The following ABCG1 variants were observed in gnomAD, a reference collection of about 807,000 sequenced individuals.
ABCG1 encodes the protein ATP-binding cassette sub-family G member 1.
Under a neutral mutation model 69.2 loss-of-function variants are expected in ABCG1, and 29 were observed. That is an observed-to-expected ratio of 0.42 (90% confidence interval 0.31 to 0.57). The LOEUF is 0.57. Ranked by LOEUF, ABCG1 falls within the 20% of genes least tolerant of loss-of-function variation. The pLI is 0.15. For missense variants in ABCG1, 718 were observed against 898.1 expected, an observed-to-expected ratio of 0.80 and a Z score of 2.56; for synonymous variants, 370 against 374.8, an observed-to-expected ratio of 0.99 and a Z score of 0.15.
At chr21:42,213,187 G>A (rs1002046904), upstream of ABCG1, among the ~76,000 whole-genome samples, 3 of 152,252 alleles carry the variant, frequency 2.0e-5, no homozygotes, top group Non-Finnish European at 4.4e-5. Context: ...CCCTGAAGGT[G>A]TTTCAGAGGT....
chr21:42,259,851 A>C, intron 2 of ABCG1: 2 of 1,399,238 alleles, frequency 1.4e-6, no homozygotes, highest in Non-Finnish European at 1.9e-6. Flanking sequence ...GGAAAAGAGC[A>C]GGGGAGAGAG....
At chr21:42,268,293 A>G (rs2068550579) in intron 2 of ABCG1, among the ~76,000 whole-genome samples, 3 of 151,926 alleles carry the variant, frequency 2.0e-5, no homozygotes, top group Admixed American at 2.0e-4. Context: ...TTCGCTTTAT[A>G]TTTCTGTAAT....
chr21:42,252,195 A>G (rs2068233167), intron 2 of ABCG1, among the ~76,000 whole-genome samples: 1 of 152,126 alleles, frequency 6.6e-6, no homozygotes, highest in Non-Finnish European at 1.5e-5. Context: ...CAGCAATGTA[A>G]ATGTTCAGGG....
At chr21:42,225,252 T>A (rs2067796700) in intron 1 of ABCG1, among the ~76,000 whole-genome samples, 1 of 152,178 alleles carries the variant, frequency 6.6e-6, no homozygotes, top group Non-Finnish European at 1.5e-5. Flanking sequence ...ACAAAACAGC[T>A]CAGTGTAAAT....
intron 2 of ABCG1, among the ~76,000 whole-genome samples, chr21:42,207,840 C>G (rs1163126509): frequency 6.6e-6 from 1 of 152,226 alleles, no homozygotes; most frequent in East Asian, 1.9e-4. Flanking sequence ...CATGACATCA[C>G]AGGGTGATGA....
In ABCG1 at chr21:42,273,888, C is replaced by G. The variant is rs1250212476; in HGVS notation, c.537+453C>G. 6.6e-6 allele frequency among the ~76,000 whole-genome samples: 1 copy of G among 152,178 alleles called. No homozygotes were observed. The highest frequency in any genetic ancestry group is 1.5e-5 in the Non-Finnish European group (1 of 68,030). ...CTATTCCTCTGACTCACCTGCCTCCCAGGTGGGAAAATGAAACCAGCAGTG... is the reference window on the plus strand; with the variant it reads ...CTATTCCTCTGACTCACCTGCCTCCGAGGTGGGAAAATGAAACCAGCAGTG... On this transcript the variant is annotated intron_variant, in intron 4 of 14. Transcript: ENST00000398449. This position sits in a 1 kb window ranked among gnomAD's most constrained non-coding sequence, Gnocchi z 5.3.
Position 42,219,157 on chromosome 21 carries a change from C to A in ABCG1, c.-106C>A. The A allele has an allele frequency of 4.7e-6, 5 of 1,064,308 alleles. No individual in the cohort carries two copies. Among genetic ancestry groups the A allele is most frequent in the Middle Eastern group, 3.5e-4 (1 of 2,884 alleles). 65.9% of individuals were successfully genotyped at this position (1,064,308 alleles called of 1,614,324 possible). On this transcript the variant is annotated 5_prime_UTR_variant, in exon 1 of 15. Transcript: ENST00000398449. This position sits in a 1 kb window ranked among gnomAD's most constrained non-coding sequence, Gnocchi z 5.3. ...TCCCAGCCGGAGCCCAAGCGCAGCC[C>A]GCACCCCGCGCAGCGGCTGAGCCGG...
rs996809100 is a variant in ABCG1, at chr21:42,273,896, A to C, written c.537+461A>C. 6.6e-6 allele frequency among the ~76,000 whole-genome samples: 1 copy of C among 152,124 alleles called. No individual in the cohort carries two copies. The highest frequency in any genetic ancestry group is 1.9e-4 in the East Asian group (1 of 5,190). On this transcript the variant is annotated intron_variant, in intron 4 of 14. Transcript: ENST00000398449. The surrounding 1 kb of genome is among the most constrained non-coding windows in gnomAD (Gnocchi z 5.3). Reference sequence around the variant, plus strand: ...CTGACTCACCTGCCTCCCAGGTGGGAAAATGAAACCAGCAGTGGCCGAGCA... The same window carrying C: ...CTGACTCACCTGCCTCCCAGGTGGGCAAATGAAACCAGCAGTGGCCGAGCA...
intron 2 of ABCG1, among the ~76,000 whole-genome samples, chr21:42,263,493 C>T (rs879462295): frequency 5.9e-5 from 9 of 152,140 alleles, no homozygotes; most frequent in African/African-American, 1.7e-4. Context: ...CTGGTGTGTT[C>T]GATCTGGAAA....
At chr21:42,290,895 C>G (rs2069044617) in intron 11 of ABCG1, among the ~76,000 whole-genome samples, 197 bp from the exon 12 acceptor site, 1 of 152,196 alleles carries the variant, frequency 6.6e-6, no homozygotes. Flanking sequence ...TGATTCTCCA[C>G]TCAATGACTC....
intron 3 of ABCG1, among the ~76,000 whole-genome samples, chr21:42,272,733 C>T (rs1178613472): frequency 6.6e-6 from 1 of 152,216 alleles, no homozygotes; most frequent in African/African-American, 2.4e-5. Context: ...GCCTGCCTTG[C>T]ATGAGCACCT....
intron 2 of ABCG1, among the ~76,000 whole-genome samples, chr21:42,266,695 T>A (rs1369526959): frequency 6.6e-6 from 1 of 152,170 alleles, no homozygotes; most frequent in Non-Finnish European, 1.5e-5. Context: ...TAAGCTCCCA[T>A]ATTTTGTGTT....
At chr21:42,223,275 A>G (rs1304482262) in intron 1 of ABCG1, among the ~76,000 whole-genome samples, 1 of 152,134 alleles carries the variant, frequency 6.6e-6, no homozygotes, top group East Asian at 1.9e-4. Flanking sequence ...GCACTCCTCC[A>G]TGTCACCTTG....
At chr21:42,234,883 G>T (rs2123566516) in intron 2 of ABCG1, among the ~76,000 whole-genome samples, 1 of 151,596 alleles carries the variant, frequency 6.6e-6, no homozygotes, top group Non-Finnish European at 1.5e-5. Flanking sequence ...CACCGCCCGC[G>T]CCGGGGTTAC....
intron 1 of ABCG1, among the ~76,000 whole-genome samples, chr21:42,220,859 A>T (rs1346220576): frequency 1.3e-5 from 2 of 152,256 alleles, no homozygotes; most frequent in African/African-American, 4.8e-5. Flanking sequence ...AGAAAGTTAT[A>T]GATCTTGTAT....
At position 42,288,372 on chromosome 21, in the gene ABCG1, C is replaced by T. The variant is rs866457975; in HGVS notation, c.1224+60C>T. 41 of 1,258,114 alleles carry T rather than the reference C, an allele frequency of 3.3e-5. No individual in the cohort carries two copies. In the Middle Eastern group the frequency reaches 7.6e-4, roughly 23 times the overall value. 77.9% of individuals were successfully genotyped at this position (1,258,114 alleles called of 1,614,324 possible). ...AACCCGTGGGTCATTTTCTCAGACT[C>T]GTCCTGACGGAATGTGTTCGTTCAT... On this transcript the variant is annotated intron_variant, in intron 10 of 14. Transcript: ENST00000398449. The surrounding 1 kb of genome is among the most constrained non-coding windows in gnomAD (Gnocchi z 4.8).
intron 13 of ABCG1, among the ~76,000 whole-genome samples, chr21:42,293,942 C>G (rs538458209): frequency 5.6e-4 from 85 of 150,910 alleles, no homozygotes; most frequent in African/African-American, 2.0e-3. Flanking sequence ...ACAGCAGACA[C>G]CGCCCACACC....
At chr21:42,259,965 C>A (rs1162939205) in intron 2 of ABCG1, 1 of 1,497,216 alleles carries the variant, frequency 6.7e-7, no homozygotes, top group East Asian at 2.5e-5. Flanking sequence ...GCTTGCTCTT[C>A]CCCTTCCCTC....
At chr21:42,269,702 C>T (rs925763890) in intron 2 of ABCG1, among the ~76,000 whole-genome samples, 19 of 152,184 alleles carry the variant, frequency 1.2e-4, no homozygotes, top group East Asian at 5.8e-4. Context: ...CAAATTAAGG[C>T]GGCACCTGGT....
Sources: gnomAD v4.1 joint callset for allele counts (sites outside exome capture counted in the v4.1 genomes callset) on GRCh38, gnomAD v4.1.1 for gene constraint, Gnocchi (gnomAD v3.1) non-coding constraint, MANE v1.5 for transcripts, NCBI Gene and HGNC (gene_info 2026-07-23, HGNC 2026-07-21) for gene names.